SLC9A3: variants seen among roughly 807,000 people sequenced by gnomAD.
SLC9A3 encodes the protein solute carrier family 9 member A3, also known as sodium/hydrogen exchanger 3.
In SLC9A3, 37 loss-of-function variants were observed where a neutral mutation model predicts 86.8. That is an observed-to-expected ratio of 0.43 (90% CI 0.33 to 0.56). SLC9A3 has a LOEUF of 0.56. Ranked by LOEUF, SLC9A3 falls within the 20% of genes least tolerant of loss-of-function variation. The probability of loss-of-function intolerance (pLI) is 0.06; values close to 1 mark genes in which losing one functional copy is unlikely to be tolerated. For missense variants in SLC9A3, 1,011 were observed against 1,171.9 expected, an observed-to-expected ratio of 0.86 and a Z score of 2.00; for synonymous variants, 581 against 528.3, an observed-to-expected ratio of 1.10 and a Z score of -1.37.
chr5:524,001 CG>C, intron 1 of SLC9A3, 110 bp downstream of exon 1: 1 of 599,644 alleles, frequency 1.7e-6, no homozygotes, highest in Non-Finnish European at 2.6e-6. Flanking sequence ...CTCTCCCGGG[CG>C]GCCGCCGCGC....
intron 1 of SLC9A3, among the ~76,000 whole-genome samples, chr5:501,960 G>A (rs763298092): frequency 5.3e-5 from 8 of 152,260 alleles, no homozygotes; most frequent in African/African-American, 1.7e-4. Context: ...CCCCCGGGCC[G>A]GGAAGCTGCT....
chr5:491,717 C>T lies in SLC9A3; in HGVS notation c.514+52G>A. 2.1e-6 allele frequency: 3 copies of T among 1,443,444 alleles called. No individual in the cohort carries two copies. The highest frequency in any genetic ancestry group is 2.8e-6 in the Non-Finnish European group (3 of 1,080,438). The allele number at this position is 1,443,444 out of a possible 1,614,324, so 89.4% of individuals were successfully genotyped here. A position where few individuals can be genotyped will look rare whatever the true frequency, so the allele number is the denominator to read the frequency against. ...CTTTCTGAGATGAGGCAGCGCCGCC[C>T]CTCCCGGACCCCACCCTGATCCCGG... On this transcript the variant is annotated intron_variant, in intron 2 of 16. Transcript: ENST00000264938. The surrounding 1 kb of genome is among the most constrained non-coding windows in gnomAD (Gnocchi z 9.2).
chr5:484,427 C>T (rs1739365870), intron 5 of SLC9A3, 93 bp downstream of exon 5: 2 of 1,076,322 alleles, frequency 1.9e-6, no homozygotes, highest in Non-Finnish European at 2.7e-6. Context: ...GGGTTGGGGT[C>T]CCCCTGGCTG....
chr5:517,466 C>T (rs1733764131), intron 1 of SLC9A3, among the ~76,000 whole-genome samples: 1 of 151,712 alleles, frequency 6.6e-6, no homozygotes, highest in South Asian at 2.1e-4. Context: ...TCCAAGCCAT[C>T]TATCCATCCA....
chr5:493,758 G>T (rs1013888282), intron 1 of SLC9A3, among the ~76,000 whole-genome samples: 8 of 79,670 alleles, frequency 1.0e-4, no homozygotes, highest in Non-Finnish European at 2.2e-4. Flanking sequence ...TTTCAGGATG[G>T]GAGGTCCTGC....
At chr5:475,310 G>C in intron 15 of SLC9A3, 178 bp from the exon 16 acceptor site, 1 of 657,290 alleles carries the variant, frequency 1.5e-6, no homozygotes, top group East Asian at 2.7e-5. Flanking sequence ...ACACGCCACA[G>C]GCAGCACAGG....
chr5:516,906 C>T (rs564118923), intron 1 of SLC9A3, among the ~76,000 whole-genome samples: 8 of 152,290 alleles, frequency 5.3e-5, no homozygotes, highest in South Asian at 2.1e-4. Context: ...ATAATTCAGC[C>T]GAGGAGCTGA....
chr5:475,655 G>T lies in SLC9A3; in HGVS notation c.2157C>A (p.Asp719Glu). 1 of 1,550,180 alleles carries T rather than the reference G, an allele frequency of 6.5e-7. No individual in the cohort carries two copies. Among genetic ancestry groups the T allele is most frequent in the Non-Finnish European group, 8.7e-7 (1 of 1,145,380 alleles). The stretch of plus-strand genomic sequence containing the variant: ...CATCATAGTTGGGGGGCTCCTCGGT[G>T]TCTGAAAGTTCCAAGTCTGGGGAAG... ...TIKEKDLELS[D>E]TEEPPNYDEE... The change falls in exon 15 of 17, where the codon GAC becomes GAA. Residue 719 changes from aspartate (D) to glutamate (E), a missense_variant. Asp to Glu is a conservative substitution (Grantham distance 45, BLOSUM62 2). Around this residue, in one of 3 missense-constraint regions of SLC9A3, gnomAD observed 397 missense variants for 346.3 expected, o/e 1.15. Transcript: ENST00000264938.
intron 1 of SLC9A3, among the ~76,000 whole-genome samples, chr5:493,334 G>A (rs374004403): frequency 1.3e-4 from 20 of 152,368 alleles, no homozygotes; most frequent in East Asian, 7.7e-4. Flanking sequence ...CAGCGGGAGC[G>A]GGGAGGCTCC....
At position 524,363 on chromosome 5, in the gene SLC9A3, G is replaced by A. The variant is rs753366337; in HGVS notation, c.-41C>T. 6.2e-6 allele frequency: 6 copies of A among 969,566 alleles called. No individual in the cohort carries two copies. In the South Asian group the frequency reaches 1.9e-4, roughly 31 times the overall value. The allele number at this position is 969,566 out of a possible 1,614,324, so 60.1% of individuals were successfully genotyped here. A position where few individuals can be genotyped will look rare whatever the true frequency, so the allele number is the denominator to read the frequency against. On this transcript the variant is annotated 5_prime_UTR_variant, in exon 1 of 17. Transcript: ENST00000264938. ...GCAGGGCTGGGACGCGCATGTCGCG[G>A]GGGGTCCCGGCTGGGCTGGGCCGAC... is the stretch of plus-strand genomic sequence containing the variant.
intron 1 of SLC9A3, among the ~76,000 whole-genome samples, chr5:494,877 C>T (rs1232221230): frequency 6.6e-6 from 1 of 152,222 alleles, no homozygotes; most frequent in African/African-American, 2.4e-5. Context: ...ACACGATGCA[C>T]GTTCTTTGCC....
intron 1 of SLC9A3, among the ~76,000 whole-genome samples, chr5:498,347 C>T (rs902659502): frequency 6.6e-5 from 10 of 152,182 alleles, no homozygotes; most frequent in South Asian, 2.1e-4. Flanking sequence ...ACACTTGTCC[C>T]GGGCTGGGCT....
chr5:504,506 A>C (rs1740454944), intron 1 of SLC9A3, among the ~76,000 whole-genome samples: 1 of 152,190 alleles, frequency 6.6e-6, no homozygotes, highest in South Asian at 2.1e-4. Flanking sequence ...CGGCGGCGGC[A>C]GCCAGGGAGG....
In SLC9A3 at chr5:488,487, A is replaced by G; in HGVS notation, c.515-11T>C. 1 of 1,540,882 alleles carries G rather than the reference A, an allele frequency of 6.5e-7. No homozygotes were observed. The highest frequency in any genetic ancestry group is 8.8e-7 in the Non-Finnish European group (1 of 1,140,382). ...CAATCTGCAGGTCGCCTGGAAGACA[A>G]GCCGGGCCGCGGGGCAGCTGCAGGG... On this transcript the variant is annotated splice_polypyrimidine_tract_variant and intron_variant, in intron 2 of 16. Coordinates refer to ENST00000264938, the MANE Select transcript of SLC9A3 (RefSeq NM_004174.4).
intron 1 of SLC9A3, among the ~76,000 whole-genome samples, chr5:493,498 C>T (rs75945443): frequency 0.012 from 1,790 of 152,356 alleles, 27 homozygotes; most frequent in East Asian, 0.048. Flanking sequence ...CTTGCAGGGC[C>T]GGGTGCTGGC....
intron 2 of SLC9A3, among the ~76,000 whole-genome samples, chr5:489,890 A>G (rs1170539326): frequency 1.3e-5 from 2 of 152,224 alleles, no homozygotes; most frequent in Non-Finnish European, 2.9e-5. Context: ...CGCATGTTCC[A>G]GGCCTTTCTC....
chr5:473,465 C>T (rs10474783), intron 16 of SLC9A3, 83 bp from the exon 17 acceptor site: 331,535 of 1,187,386 alleles, frequency 0.28, 47,555 homozygotes, highest in Non-Finnish European at 0.3. Context: ...CAGCTGTCCC[C>T]GAGCCCGGCG....
At chr5:500,238 C>A (rs554526707) in intron 1 of SLC9A3, among the ~76,000 whole-genome samples, 149 of 152,350 alleles carry the variant, frequency 9.8e-4, no homozygotes, top group Non-Finnish European at 1.8e-3. Flanking sequence ...CTATGCAGAG[C>A]CTGGGCTCAG....
chr5:476,456 G>T, intron 12 of SLC9A3, 78 bp from the exon 13 acceptor site: 2 of 1,604,192 alleles, frequency 1.2e-6, no homozygotes, highest in African/African-American at 2.7e-5. Flanking sequence ...AGCTGAGCAC[G>T]GATCCCCCGT....
Sources: allele counts gnomAD v4.1 joint callset (sites outside exome capture counted in the v4.1 genomes callset), GRCh38; gene constraint gnomAD v4.1.1; regional missense constraint gnomAD v4.1.1; non-coding constraint Gnocchi (gnomAD v3.1); transcripts MANE v1.5; gene names NCBI Gene and HGNC (gene_info 2026-07-23, HGNC 2026-07-21).